Variants in DOCK4 observed in about 807,000 individuals in gnomAD.
DOCK4 encodes dedicator of cytokinesis 4.
DOCK4 carries 97 observed loss-of-function variants against 268.1 expected under a neutral mutation model. That is an observed-to-expected ratio of 0.36 (90% CI 0.31 to 0.43). The LOEUF (loss-of-function observed/expected upper bound fraction) is 0.43. DOCK4 is among the 20% of genes least tolerant of loss of function. DOCK4 has a pLI of 1.00. For missense variants in DOCK4, 2,145 were observed against 2,455.7 expected (o/e 0.87, Z 2.67); for synonymous variants, 954 against 887.2 (o/e 1.08, Z -1.34).
intron 1 of DOCK4, among the ~76,000 whole-genome samples, chr7:112,138,619 A>G (rs1814590604): frequency 3.9e-5 from 6 of 152,140 alleles, no homozygotes; most frequent in Admixed American, 3.3e-4. Flanking sequence ...TATTAACAAC[A>G]CACCTGCCCA....
chr7:112,076,587 G>A (rs893712141), intron 1 of DOCK4, among the ~76,000 whole-genome samples: 1 of 152,076 alleles, frequency 6.6e-6, no homozygotes, highest in African/African-American at 2.4e-5. Flanking sequence ...CATTCTCCAG[G>A]TAGCCAGTTT....
In DOCK4 at chr7:111,840,070, T is replaced by A. The variant is rs548751209; in HGVS notation, c.2736+4693A>T. ...CTGCAGTGTGAAACTTTCTTTTGTATAAATCACCTTGAAAACTCTGTAGTC... is the reference window on the plus strand; with the variant it reads ...CTGCAGTGTGAAACTTTCTTTTGTAAAAATCACCTTGAAAACTCTGTAGTC... On this transcript the variant is annotated intron_variant, in intron 25 of 52. Coordinates refer to ENST00000428084, the MANE Select transcript of DOCK4 (RefSeq NM_001363540.2). 1.2e-4 allele frequency among the ~76,000 whole-genome samples: 18 copies of A among 152,342 alleles called. No individual in the cohort carries two copies. The South Asian group carries it at 3.7e-3, about 32-fold the overall frequency.
intron 23 of DOCK4, among the ~76,000 whole-genome samples, chr7:111,851,034 A>G (rs1804502080): frequency 6.6e-6 from 1 of 152,224 alleles, no homozygotes; most frequent in Admixed American, 6.5e-5. Context: ...TGCTAGAACA[A>G]TTGGATACAC....
Position 111,746,327 on chromosome 7 carries a change from C to T in DOCK4, c.4677+7G>A. 1 of 1,610,900 alleles carries T rather than the reference C, an allele frequency of 6.2e-7. No individual in the cohort carries two copies. The highest frequency in any genetic ancestry group is 8.5e-7 in the Non-Finnish European group (1 of 1,178,384). ...AATAGAAGGGGGTTGGCTTCTGCTT[C>T]CCTTACCTGCTCAAGCATCAGCTCT... On this transcript the variant is annotated splice_region_variant and intron_variant, in intron 44 of 52. Coordinates refer to ENST00000428084, the MANE Select transcript of DOCK4 (RefSeq NM_001363540.2).
Position 111,727,615 on chromosome 7 carries a change from C to T in DOCK4, c.*659G>A, listed in dbSNP as rs1794730814. On this transcript the variant is annotated 3_prime_UTR_variant, in exon 53 of 53. Transcript: ENST00000428084. ...CCTTGAAAAGAAATACAGTAGATAC[C>T]ACGGTGTCAGGGTAGTAAGGGATTT... The T allele has an allele frequency of 6.6e-6, 1 of 152,498 alleles. No individual in the cohort carries two copies. The highest frequency in any genetic ancestry group is 6.6e-5 in the Admixed American group (1 of 15,256). The allele number at this position is 152,498 out of a possible 1,614,324, so 9.4% of individuals were successfully genotyped here.
intron 1 of DOCK4, among the ~76,000 whole-genome samples, chr7:112,202,156 G>C (rs1259329694): frequency 6.6e-6 from 1 of 152,152 alleles, no homozygotes; most frequent in Non-Finnish European, 1.5e-5. Context: ...ACATGGGATA[G>C]CAGATATTTC....
At chr7:111,824,988 C>T (rs1423751988) in intron 26 of DOCK4, among the ~76,000 whole-genome samples, 1 of 152,054 alleles carries the variant, frequency 6.6e-6, no homozygotes, top group Admixed American at 6.5e-5. Context: ...TAAAAGAGCA[C>T]AATAATGAGG....
chr7:112,094,339 T>G (rs1485211306), intron 1 of DOCK4, among the ~76,000 whole-genome samples: 1 of 152,182 alleles, frequency 6.6e-6, no homozygotes, highest in Non-Finnish European at 1.5e-5. Context: ...TAGAGCTGTA[T>G]TTCAGCAAGC....
intron 30 of DOCK4, among the ~76,000 whole-genome samples, chr7:111,805,016 T>TGGA (rs1800572173): frequency 6.6e-6 from 1 of 152,238 alleles, no homozygotes; most frequent in African/African-American, 2.4e-5. Flanking sequence ...ACAGGTAGCA[T>TGGA]GACTTAAAGT....
intron 38 of DOCK4, among the ~76,000 whole-genome samples, chr7:111,765,699 C>T (rs1483773613): frequency 6.6e-6 from 1 of 152,194 alleles, no homozygotes; most frequent in Non-Finnish European, 1.5e-5. Flanking sequence ...TAATTCAGGA[C>T]ATTTGGAAGG....
Position 111,991,961 on chromosome 7 carries a change from C to CAAAAAAAAAA in DOCK4, c.315+2164_315+2173dup, listed in dbSNP as rs60667093. ...GGGCAACAGAGAGAGACTCTGTCTC[C>CAAAAAAAAAA]AAAAAAAAAAAAAAAAAAAAAAAAA... is the stretch of plus-strand genomic sequence containing the variant. On this transcript the variant is annotated intron_variant, in intron 5 of 52. Transcript: ENST00000428084. Among the ~76,000 whole-genome samples the CAAAAAAAAAA allele has an allele frequency of 8.1e-4, 41 of 50,914 alleles. 1 individual carries two copies. Among genetic ancestry groups the CAAAAAAAAAA allele is most frequent in the East Asian group, 2.2e-3 (3 of 1,378 alleles). 33.4% of individuals were successfully genotyped at this position (50,914 alleles called of 152,430 possible).
chr7:112,002,992 A>C (rs1407732801), intron 2 of DOCK4, among the ~76,000 whole-genome samples: 1 of 150,794 alleles, frequency 6.6e-6, no homozygotes, highest in African/African-American at 2.4e-5. Flanking sequence ...CAGAGGTTGC[A>C]GTGAGCCAAG....
chr7:112,202,575 A>G (rs915115954), intron 1 of DOCK4, among the ~76,000 whole-genome samples: 1 of 152,160 alleles, frequency 6.6e-6, no homozygotes. Context: ...ACTGTACACC[A>G]TAAATATATA....
chr7:111,775,133 T>A (rs1195516841), intron 36 of DOCK4, among the ~76,000 whole-genome samples: 3 of 152,186 alleles, frequency 2.0e-5, no homozygotes, highest in Non-Finnish European at 1.5e-5. Flanking sequence ...TCATGAATGA[T>A]TATTTGAGGG....
chr7:111,761,899 T>A (rs182046122), intron 39 of DOCK4, among the ~76,000 whole-genome samples: 5 of 152,340 alleles, frequency 3.3e-5, no homozygotes, highest in Non-Finnish European at 5.9e-5. Context: ...TGCTGTATTT[T>A]AAAAATTCTA....
At chr7:111,972,930 A>G (rs1048749568) in intron 8 of DOCK4, among the ~76,000 whole-genome samples, 1 of 151,552 alleles carries the variant, frequency 6.6e-6, no homozygotes, top group Admixed American at 6.6e-5. Context: ...GTAGTCTTTT[A>G]TCTCTAATCA....
intron 1 of DOCK4, among the ~76,000 whole-genome samples, chr7:112,124,263 C>T (rs1334839157): frequency 6.6e-6 from 1 of 152,146 alleles, no homozygotes; most frequent in Admixed American, 6.5e-5. Context: ...TCAAGCGATC[C>T]TCCTGACTTG....
chr7:111,866,429 C>T (rs1405884556), intron 22 of DOCK4, among the ~76,000 whole-genome samples: 1 of 152,188 alleles, frequency 6.6e-6, no homozygotes, highest in African/African-American at 2.4e-5. Flanking sequence ...CAAAGATATT[C>T]AGAAACCTTA....
At chr7:111,839,832 T>A (rs1256962009) in intron 25 of DOCK4, among the ~76,000 whole-genome samples, 2 of 152,190 alleles carry the variant, frequency 1.3e-5, no homozygotes, top group African/African-American at 4.8e-5. Context: ...ATTTTTTAAA[T>A]TTTTTATTTC....
Sources: allele counts gnomAD v4.1 joint callset (sites outside exome capture counted in the v4.1 genomes callset), GRCh38; gene constraint gnomAD v4.1.1; transcripts MANE v1.5; gene names NCBI Gene and HGNC (gene_info 2026-07-23, HGNC 2026-07-21).